FRMD5: variants seen among roughly 807,000 people sequenced by gnomAD.
FRMD5 encodes FERM domain containing 5.
Under a neutral mutation model 69.0 loss-of-function variants are expected in FRMD5, and 20 were observed. That is an observed-to-expected ratio of 0.29 (90% CI 0.20 to 0.42). FRMD5 has a LOEUF of 0.42. FRMD5 is among the 10% of genes least tolerant of loss of function. The pLI, the probability that FRMD5 is intolerant of heterozygous loss-of-function variation, is 1.00. For synonymous variants in FRMD5, 271 were observed against 260.1 expected, an observed-to-expected ratio of 1.04 and a Z score of -0.40; for missense variants, 595 against 708.6, an observed-to-expected ratio of 0.84 and a Z score of 1.82.
chr15:43,882,115 CG>C (rs1567207332), intron 13 of FRMD5, among the ~76,000 whole-genome samples: 1 of 152,168 alleles, frequency 6.6e-6, no homozygotes, highest in Non-Finnish European at 1.5e-5. Flanking sequence ...ATCCAGCCTG[CG>C]GGTGACCTGG....
At chr15:44,143,654 G>A (rs1004444197) in intron 1 of FRMD5, among the ~76,000 whole-genome samples, 6 of 150,726 alleles carry the variant, frequency 4.0e-5, no homozygotes, top group African/African-American at 1.2e-4. Flanking sequence ...GGCTGGGCGC[G>A]ATGGCTCACG....
At chr15:43,988,364 T>TA (rs1334358853) in intron 1 of FRMD5, among the ~76,000 whole-genome samples, 1 of 151,912 alleles carries the variant, frequency 6.6e-6, no homozygotes, top group Non-Finnish European at 1.5e-5. Context: ...GCACTTTTTT[T>TA]TTTTTTTAGC....
At chr15:44,144,329 A>G (rs1021076243) in intron 1 of FRMD5, among the ~76,000 whole-genome samples, 6 of 152,220 alleles carry the variant, frequency 3.9e-5, no homozygotes, top group Non-Finnish European at 7.3e-5. Context: ...CTCAGCCTCC[A>G]ATTCTGTATC....
At chr15:43,997,178 CTT>C (rs1321103058) in intron 1 of FRMD5, among the ~76,000 whole-genome samples, 1 of 152,144 alleles carries the variant, frequency 6.6e-6, no homozygotes, top group Non-Finnish European at 1.5e-5. Context: ...GAAAATGACT[CTT>C]ATGATGATAA....
intron 1 of FRMD5, among the ~76,000 whole-genome samples, chr15:43,958,859 C>G (rs2090154789): frequency 6.6e-6 from 1 of 152,182 alleles, no homozygotes; most frequent in Admixed American, 6.5e-5. Context: ...GTCTCTATGG[C>G]TATGTCACAA....
intron 1 of FRMD5, among the ~76,000 whole-genome samples, chr15:44,127,189 T>G (rs1456997655): frequency 6.6e-6 from 1 of 152,182 alleles, no homozygotes; most frequent in Non-Finnish European, 1.5e-5. Context: ...CTCAAGGAAG[T>G]TCACGCAATT....
At chr15:44,102,910 G>T (rs965794158) in intron 1 of FRMD5, among the ~76,000 whole-genome samples, 2 of 152,206 alleles carry the variant, frequency 1.3e-5, no homozygotes, top group Admixed American at 1.3e-4. Flanking sequence ...GAGGCTTGGA[G>T]ACCTAAAAGG....
At chr15:44,059,151 A>T (rs1304888087) in intron 1 of FRMD5, among the ~76,000 whole-genome samples, 1 of 152,224 alleles carries the variant, frequency 6.6e-6, no homozygotes, top group Non-Finnish European at 1.5e-5. Flanking sequence ...CCTGGGAGTG[A>T]GCGGATTATT....
At chr15:44,120,895 T>C (rs1453998978) in intron 1 of FRMD5, among the ~76,000 whole-genome samples, 1 of 151,970 alleles carries the variant, frequency 6.6e-6, no homozygotes, top group African/African-American at 2.4e-5. Context: ...TGAACCCAAG[T>C]AGAGACATGT....
At chr15:43,934,059 T>C (rs1012542493) in intron 1 of FRMD5, among the ~76,000 whole-genome samples, 1 of 152,222 alleles carries the variant, frequency 6.6e-6, no homozygotes, top group Non-Finnish European at 1.5e-5. Flanking sequence ...TCTACGCTCC[T>C]TGAGGCTCCT....
At chr15:44,068,943 T>C (rs557597878) in intron 1 of FRMD5, among the ~76,000 whole-genome samples, 100 of 152,256 alleles carry the variant, frequency 6.6e-4, no homozygotes, top group African/African-American at 2.1e-3. Flanking sequence ...ATTGCTGAAA[T>C]TGATATCTAT....
In FRMD5 at chr15:44,073,389, A is replaced by G. The variant is rs143411002; in HGVS notation, c.102+121564T>C. 5.1e-3 allele frequency among the ~76,000 whole-genome samples: 770 copies of G among 152,280 alleles called. 8 individuals are homozygous for G. Among genetic ancestry groups the G allele is most frequent in the African/African-American group, 0.018 (732 of 41,538 alleles). ...ATGATGTGGGTGTTTGCATATAATT[A>G]TTGTCCATAAGTGCTGTAGCAAATG... On this transcript the variant is annotated intron_variant, in intron 1 of 13. Coordinates refer to ENST00000417257, the MANE Select transcript of FRMD5 (RefSeq NM_032892.5).
chr15:44,179,539 T>A (rs1361197901), intron 1 of FRMD5, among the ~76,000 whole-genome samples: 1 of 152,184 alleles, frequency 6.6e-6, no homozygotes, highest in African/African-American at 2.4e-5. Flanking sequence ...TTCTGCAAAC[T>A]CAAAGACCAG....
At chr15:43,913,886 T>G (rs1041591267) in intron 4 of FRMD5, among the ~76,000 whole-genome samples, 6 of 152,250 alleles carry the variant, frequency 3.9e-5, no homozygotes, top group Non-Finnish European at 8.8e-5. Context: ...ATCAGAGAGA[T>G]ATTCTCACTG....
At chr15:43,911,836 T>C (rs1392725533) in intron 4 of FRMD5, among the ~76,000 whole-genome samples, 1 of 152,084 alleles carries the variant, frequency 6.6e-6, no homozygotes, top group African/African-American at 2.4e-5. Flanking sequence ...CTTGATCATG[T>C]AAAAATGCTC....
Position 43,910,988 on chromosome 15 carries a change from T to C in FRMD5, c.330-1009A>G, listed in dbSNP as rs545676720. On this transcript the variant is annotated intron_variant, in intron 4 of 13. Coordinates refer to ENST00000417257, the MANE Select transcript of FRMD5 (RefSeq NM_032892.5). ...TATTCTGCCCTCCTTGCACTATAAA[T>C]GCTTTGCAGTTTCACTAGTTGGATG... Among the ~76,000 whole-genome samples the C allele has an allele frequency of 2.0e-5, 3 of 152,364 alleles. No homozygotes were observed. The South Asian group carries it at 6.2e-4, about 32-fold the overall frequency.
intron 6 of FRMD5, among the ~76,000 whole-genome samples, chr15:43,904,917 TTC>T (rs1266928766): frequency 6.6e-6 from 1 of 152,088 alleles, no homozygotes; most frequent in Non-Finnish European, 1.5e-5. Flanking sequence ...TCTCCTCCAC[TTC>T]TCTCTGTGCA....
rs575092815 is a variant in FRMD5 at position 44,153,362 on chromosome 15, T to C, written c.102+41591A>G. ...GAATAAGCAAAATGTGGTATATACA[T>C]ATAATGAAGGATTATTCAGACTTTA... On this transcript the variant is annotated intron_variant, in intron 1 of 13. Transcript: ENST00000417257. Among the ~76,000 whole-genome samples, 21 of 152,344 alleles carry C rather than the reference T, an allele frequency of 1.4e-4. No homozygotes were observed. The South Asian group carries it at 4.4e-3, about 32-fold the overall frequency.
chr15:44,142,811 C>T (rs181788226), intron 1 of FRMD5, among the ~76,000 whole-genome samples: 2 of 152,294 alleles, frequency 1.3e-5, no homozygotes, highest in Non-Finnish European at 2.9e-5. Flanking sequence ...AAACGTAGGC[C>T]GGGCCGCAGT....
Sources: allele counts gnomAD v4.1 joint callset (sites outside exome capture counted in the v4.1 genomes callset), GRCh38; gene constraint gnomAD v4.1.1; transcripts MANE v1.5; gene names NCBI Gene and HGNC (gene_info 2026-07-23, HGNC 2026-07-21).